The following LRRK2 variants were observed in gnomAD, a reference collection of about 807,000 sequenced individuals.
LRRK2 encodes the protein leucine-rich repeat serine/threonine-protein kinase 2.
LRRK2 carries 203 observed loss-of-function variants against 302.6 expected under a neutral mutation model. That is an observed-to-expected ratio of 0.67 (90% CI 0.60 to 0.75). The LOEUF is 0.75. Ranked by LOEUF, LRRK2 falls within the 30% of genes least tolerant of loss-of-function variation. LRRK2 has a pLI of 0.00. For missense variants in LRRK2, 2,830 were observed against 2,951.0 expected, an observed-to-expected ratio of 0.96 and a Z score of 0.95; for synonymous variants, 1,066 against 1,031.9, an observed-to-expected ratio of 1.03 and a Z score of -0.63.
At chr12:40,234,614 T>C (rs1249641295) in intron 3 of LRRK2, among the ~76,000 whole-genome samples, 1 of 151,952 alleles carries the variant, frequency 6.6e-6, no homozygotes, top group Non-Finnish European at 1.5e-5. Flanking sequence ...ATTGACCTCA[T>C]GATCCCCCCG....
chr12:40,362,597 T>C (rs1163972261), intron 47 of LRRK2, among the ~76,000 whole-genome samples: 3 of 152,060 alleles, frequency 2.0e-5, no homozygotes, highest in Non-Finnish European at 4.4e-5. Flanking sequence ...GTCTATAATA[T>C]GACAGTGACA....
At chr12:40,329,037 T>A (rs1451073504) in intron 39 of LRRK2, among the ~76,000 whole-genome samples, 1 of 152,012 alleles carries the variant, frequency 6.6e-6, no homozygotes, top group East Asian at 1.9e-4. Flanking sequence ...AGAAGTTTAA[T>A]GCATGATCTC....
In LRRK2 at chr12:40,287,559, A is replaced by G. The variant is rs200523642; in HGVS notation, c.2689+20A>G. 2 of 1,608,246 alleles carry G rather than the reference A, an allele frequency of 1.2e-6. No individual in the cohort carries two copies. Among genetic ancestry groups the G allele is most frequent in the Non-Finnish European group, 1.7e-6 (2 of 1,176,030 alleles). The stretch of plus-strand genomic sequence containing the variant: ...GTGAAGGTATTTATTATAAAAAAAA[A>G]CCCTTTATGCTTTATATTTACACAC... On this transcript the variant is annotated intron_variant, in intron 20 of 50. Transcript: ENST00000298910.
At chr12:40,344,879 T>C (rs1946148060) in intron 41 of LRRK2, among the ~76,000 whole-genome samples, 1 of 151,984 alleles carries the variant, frequency 6.6e-6, no homozygotes, top group Admixed American at 6.6e-5. Flanking sequence ...TATGTAATTA[T>C]ATTAATATAT....
rs1011263742 is a variant in LRRK2, at chr12:40,284,960, G to T, written c.2500+827G>T. ...CTCAGTTTCACCAAGAAAACTGAGT[G>T]CTGCTAGAGAAAAGTACCCATCCAT... On this transcript the variant is annotated intron_variant, in intron 19 of 50. Transcript: ENST00000298910. Among the ~76,000 whole-genome samples, 12 of 152,210 alleles carry T rather than the reference G, an allele frequency of 7.9e-5. No individual in the cohort carries two copies. The East Asian group carries it at 2.3e-3, about 29-fold the overall frequency.
At chr12:40,233,269 A>G (rs1941289309) in intron 3 of LRRK2, among the ~76,000 whole-genome samples, 1 of 152,176 alleles carries the variant, frequency 6.6e-6, no homozygotes, top group Non-Finnish European at 1.5e-5. Flanking sequence ...TCTTTTTTAT[A>G]CCTAATATGA....
chr12:40,266,155 A>T (rs1943002882), intron 14 of LRRK2, among the ~76,000 whole-genome samples: 1 of 152,174 alleles, frequency 6.6e-6, no homozygotes, highest in Non-Finnish European at 1.5e-5. Context: ...GACAAATGGG[A>T]TCTAATTAAA....
chr12:40,346,133 T>A (rs1192820216), intron 41 of LRRK2, among the ~76,000 whole-genome samples: 3 of 152,134 alleles, frequency 2.0e-5, no homozygotes, highest in Non-Finnish European at 2.9e-5. Context: ...TCTTATGGAA[T>A]AAAATATTTA....
chr12:40,250,355 T>C (rs1302057318), intron 8 of LRRK2, among the ~76,000 whole-genome samples: 1 of 152,082 alleles, frequency 6.6e-6, no homozygotes, highest in African/African-American at 2.4e-5. Flanking sequence ...TCTGGCATGG[T>C]GGCGGGCACC....
chr12:40,267,570 G>T (rs1337732943), intron 14 of LRRK2, among the ~76,000 whole-genome samples: 2 of 152,140 alleles, frequency 1.3e-5, no homozygotes, highest in East Asian at 1.9e-4. Flanking sequence ...GCAAGTAAGT[G>T]CTGTGATGTG....
At chr12:40,231,658 T>C (rs1460478722) in intron 2 of LRRK2, among the ~76,000 whole-genome samples, 1 of 148,452 alleles carries the variant, frequency 6.7e-6, no homozygotes, top group Non-Finnish European at 1.5e-5. Context: ...TGGTACAACC[T>C]CTAAAACTAT....
At chr12:40,346,634 C>G (rs867492990) in intron 41 of LRRK2, 119 bp from the exon 42 acceptor site, 1 of 902,438 alleles carries the variant, frequency 1.1e-6, no homozygotes, top group Middle Eastern at 2.8e-4. Flanking sequence ...AATAACACAG[C>G]CTGGTTTAGA....
Position 40,259,483 on chromosome 12 carries a change from C to T in LRRK2, c.1422C>T (p.Asn474=). The change falls in exon 13 of 51, where the codon AAC becomes AAT. Residue 474 remains asparagine (N), a synonymous_variant. Coordinates refer to ENST00000298910, the MANE Select transcript of LRRK2 (RefSeq NM_198578.4). ...CATGCCAATTTTATATCCCCAGCAACACTTCCCTGGATATAATGGCAGCAG... is the reference window on the plus strand; with the variant it reads ...CATGCCAATTTTATATCCCCAGCAATACTTCCCTGGATATAATGGCAGCAG... ...KMLNHLFEGS[N]TSLDIMAAVV... is the part of the protein sequence containing the mutation. The T allele has an allele frequency of 6.2e-7, 1 of 1,613,142 alleles. No individual in the cohort carries two copies. The highest frequency in any genetic ancestry group is 1.1e-5 in the South Asian group (1 of 91,072).
In LRRK2 at chr12:40,335,129, A is replaced by T; in HGVS notation, c.5920A>T (p.Ile1974Phe). 1 of 1,613,992 alleles carries T rather than the reference A, an allele frequency of 6.2e-7. No homozygotes were observed. The highest frequency in any genetic ancestry group is 8.5e-7 in the Non-Finnish European group (1 of 1,179,952). ...ASLTRTLQHRIALHVADGLRY... is the reference protein window; with the variant it reads ...ASLTRTLQHRFALHVADGLRY... ...CCTCACTAGAACCCTACAGCACAGGATTGCACTCCACGTAGCTGATGGTTT... is the reference window on the plus strand; with the variant it reads ...CCTCACTAGAACCCTACAGCACAGGTTTGCACTCCACGTAGCTGATGGTTT... The change falls in exon 40 of 51, where the codon ATT becomes TTT. Residue 1974 changes from isoleucine (I) to phenylalanine (F), a missense_variant. Coordinates refer to ENST00000298910, the MANE Select transcript of LRRK2 (RefSeq NM_198578.4).
At chr12:40,234,554 T>C (rs1045003807) in intron 3 of LRRK2, among the ~76,000 whole-genome samples, 11 of 151,804 alleles carry the variant, frequency 7.2e-5, no homozygotes, top group Non-Finnish European at 1.3e-4. Flanking sequence ...AATTTTTGTA[T>C]TTTTAGTAGA....
chr12:40,275,042 T>C (rs1445995258), intron 16 of LRRK2, 49 bp downstream of exon 16: 1 of 1,607,980 alleles, frequency 6.2e-7, no homozygotes, highest in Non-Finnish European at 8.5e-7. Context: ...CGAATTTCAC[T>C]TTTGGAGCAG....
chr12:40,256,955 C>G (rs1460768100), intron 11 of LRRK2, among the ~76,000 whole-genome samples: 1 of 152,166 alleles, frequency 6.6e-6, no homozygotes, highest in African/African-American at 2.4e-5. Flanking sequence ...CAAAAACACT[C>G]TTTTCACAAT....
chr12:40,309,133 C>T lies in LRRK2; in HGVS notation c.4217C>T (p.Pro1406Leu), dbSNP rs1944942496. Residue 1406 changes from proline to leucine, a missense_variant, in exon 30 of 51, where the codon CCC becomes CTC. Physicochemically the swap from Pro to Leu is moderately conservative, Grantham distance 98. This residue lies in a region of LRRK2 where 2,121 missense variants were observed against 2,148.0 expected (regional missense o/e 0.99). Transcript: ENST00000298910. ...AGREEFYSTH[P>L]HFMTQRALYL... is the part of the protein sequence containing the mutation. ...CGTGAGGAATTCTATAGTACTCATC[C>T]CCATTTTATGACGCAGCGAGCATTG... The T allele has an allele frequency of 6.2e-7, 1 of 1,613,628 alleles. No individual in the cohort carries two copies. Among genetic ancestry groups the T allele is most frequent in the East Asian group, 2.2e-5 (1 of 44,866 alleles).
In LRRK2 at chr12:40,287,477, C is replaced by T. The variant is rs759405545; in HGVS notation, c.2627C>T (p.Thr876Ile). 1 of 1,612,706 alleles carries T rather than the reference C, an allele frequency of 6.2e-7. No homozygotes were observed. Among genetic ancestry groups the T allele is most frequent in the South Asian group, 1.1e-5 (1 of 91,054 alleles). ...EDVLSKFDEW[T>I]FIPDSSMDSV... ...GTGCTGTCTAAATTTGATGAATGGACCTTTATTCCTGACTCTTCTATGGAC... is the reference window on the plus strand; with the variant it reads ...GTGCTGTCTAAATTTGATGAATGGATCTTTATTCCTGACTCTTCTATGGAC... The change falls in exon 20 of 51, where the codon ACC (threonine) becomes ATC (isoleucine). Residue 876 changes from threonine (T) to isoleucine (I), a missense_variant. This residue lies in a region of LRRK2 where 2,121 missense variants were observed against 2,148.0 expected (regional missense o/e 0.99). Coordinates refer to ENST00000298910, the MANE Select transcript of LRRK2 (RefSeq NM_198578.4).
Sources: allele counts gnomAD v4.1 joint callset (sites outside exome capture counted in the v4.1 genomes callset), GRCh38; gene constraint gnomAD v4.1.1; regional missense constraint gnomAD v4.1.1; transcripts MANE v1.5; gene names NCBI Gene and HGNC (gene_info 2026-07-23, HGNC 2026-07-21).